The following ADARB2 variants were observed in gnomAD, a reference collection of about 807,000 sequenced individuals.
ADARB2 encodes adenosine deaminase RNA specific B2 (inactive), also known as inactive double-stranded RNA-specific editase B2.
ADARB2 carries 25 observed loss-of-function variants against 62.2 expected under a neutral mutation model. That is an observed-to-expected ratio of 0.40 (90% confidence interval 0.29 to 0.56). ADARB2 has a LOEUF of 0.56. Ranked by LOEUF, ADARB2 falls within the 20% of genes least tolerant of loss-of-function variation. The pLI is 0.43. For missense variants in ADARB2, 1,071 were observed against 1,077.4 expected (o/e 0.99, Z 0.08); for synonymous variants, 572 against 500.8 (o/e 1.14, Z -1.90).
At chr10:1,293,303 AAGAG>A (rs140685522) in intron 3 of ADARB2, among the ~76,000 whole-genome samples, 1 of 98,564 alleles carries the variant, frequency 1.0e-5, no homozygotes, top group Non-Finnish European at 2.0e-5. Context: ...GAGAAGGGGG[AAGAG>A]AGAGGGGAGG....
intron 1 of ADARB2, among the ~76,000 whole-genome samples, chr10:1,466,460 T>C (rs1006634227): frequency 6.6e-6 from 1 of 152,192 alleles, no homozygotes; most frequent in African/African-American, 2.4e-5. Flanking sequence ...GGCAGCTCTC[T>C]GAGCACACGG....
intron 1 of ADARB2, among the ~76,000 whole-genome samples, chr10:1,455,337 T>C (rs1402724256): frequency 1.3e-5 from 2 of 152,198 alleles, no homozygotes; most frequent in African/African-American, 4.8e-5. Flanking sequence ...TTAAAACAAT[T>C]ATGATGAGCA....
At chr10:1,496,969 C>A (rs897188575) in intron 1 of ADARB2, among the ~76,000 whole-genome samples, 1 of 152,118 alleles carries the variant, frequency 6.6e-6, no homozygotes, top group Non-Finnish European at 1.5e-5. Flanking sequence ...TTTATAGCAC[C>A]ATGACCCAGT....
Position 1,341,272 on chromosome 10 carries a change from C to T in ADARB2, c.1077+21756G>A, listed in dbSNP as rs948778254. ...CACCAGAGAACCACATGCCCCACAG[C>T]GGCAATAACCAGCATCCACCAGAGA... On this transcript the variant is annotated intron_variant, in intron 3 of 9. Transcript: ENST00000381312. Among the ~76,000 whole-genome samples, 16 of 147,834 alleles carry T rather than the reference C, an allele frequency of 1.1e-4. No homozygotes were observed. In the East Asian group the frequency reaches 2.3e-3, roughly 21 times the overall value.
At chr10:1,314,387 G>A (rs1831718699) in intron 3 of ADARB2, among the ~76,000 whole-genome samples, 1 of 152,116 alleles carries the variant, frequency 6.6e-6, no homozygotes, top group African/African-American at 2.4e-5. Context: ...TATAGCTGGG[G>A]GCCCTAAGTC....
intron 1 of ADARB2, among the ~76,000 whole-genome samples, chr10:1,536,633 T>TA (rs1472826447): frequency 7.9e-5 from 12 of 152,238 alleles, no homozygotes; most frequent in Non-Finnish European, 4.4e-5. Flanking sequence ...CTGAATGTTG[T>TA]AACTAGGACT....
intron 1 of ADARB2, among the ~76,000 whole-genome samples, chr10:1,423,868 ACCACTATGTATGCAGTAGGT>A (rs1720419751): frequency 1.3e-5 from 2 of 149,498 alleles, no homozygotes; most frequent in Non-Finnish European, 1.5e-5. Context: ...ATGCAGTAAG[ACCACTATGTATGCAGTAGGT>A]CCACTATGTA....
At chr10:1,718,693 G>C (rs575926062) in intron 1 of ADARB2, among the ~76,000 whole-genome samples, 3 of 152,282 alleles carry the variant, frequency 2.0e-5, no homozygotes, top group East Asian at 3.9e-4. Context: ...CTTTACCTAG[G>C]GGGGCAGCAC....
intron 1 of ADARB2, among the ~76,000 whole-genome samples, chr10:1,638,866 A>C (rs974808638): frequency 6.6e-6 from 1 of 152,212 alleles, no homozygotes; most frequent in Non-Finnish European, 1.5e-5. Flanking sequence ...TCGGGGGCTC[A>C]CATACTTCTC....
At chr10:1,187,863 T>C (rs770729983) in intron 8 of ADARB2, 10 of 434,374 alleles carry the variant, frequency 2.3e-5, no homozygotes, top group South Asian at 6.5e-5. Flanking sequence ...TGTGGTCCCA[T>C]GTGTCCATAT....
intron 1 of ADARB2, among the ~76,000 whole-genome samples, chr10:1,576,621 C>G (rs1310421094): frequency 6.6e-6 from 1 of 152,128 alleles, no homozygotes. Context: ...GGGTGAGGGG[C>G]ACTGTGCAAC....
intron 1 of ADARB2, among the ~76,000 whole-genome samples, chr10:1,630,570 G>T (rs1833829896): frequency 1.3e-5 from 2 of 152,214 alleles, no homozygotes; most frequent in South Asian, 2.1e-4. Flanking sequence ...GGCAGAGGGG[G>T]TGTGTGCTGG....
intron 1 of ADARB2, among the ~76,000 whole-genome samples, chr10:1,653,194 A>C (rs1326415504): frequency 6.6e-6 from 1 of 152,222 alleles, no homozygotes; most frequent in African/African-American, 2.4e-5. Context: ...CTGCTGCCAC[A>C]GCCTAGAGAC....
intron 1 of ADARB2, among the ~76,000 whole-genome samples, chr10:1,453,170 G>C (rs1831060038): frequency 1.3e-5 from 2 of 152,204 alleles, no homozygotes; most frequent in Non-Finnish European, 2.9e-5. Flanking sequence ...CAAGACGTTA[G>C]ACAAGGCAGC....
intron 8 of ADARB2, among the ~76,000 whole-genome samples, chr10:1,193,779 TTTTTTG>T (rs1274724581): frequency 6.6e-6 from 1 of 151,482 alleles, no homozygotes; most frequent in Non-Finnish European, 1.5e-5. Flanking sequence ...ATTTCATTGT[TTTTTTG>T]TCTTCTGAGA....
At chr10:1,712,665 TG>T (rs67502366) in intron 1 of ADARB2, among the ~76,000 whole-genome samples, 133,045 of 133,046 alleles carry the variant, frequency 1, 66,522 homozygotes, top group Non-Finnish European at 1. Context: ...AGGAGGGCAC[TG>T]GGCGGGATCT....
At chr10:1,301,941 CG>C (rs1427898966) in intron 3 of ADARB2, among the ~76,000 whole-genome samples, 1 of 152,148 alleles carries the variant, frequency 6.6e-6, no homozygotes, top group Non-Finnish European at 1.5e-5. Context: ...CTGGAGCCCA[CG>C]GTTCACAGGA....
At chr10:1,294,330 C>G (rs1413554154) in intron 3 of ADARB2, among the ~76,000 whole-genome samples, 1 of 152,020 alleles carries the variant, frequency 6.6e-6, no homozygotes, top group Admixed American at 6.6e-5. Flanking sequence ...GAACAGAGGC[C>G]CAGGAAGACT....
At chr10:1,333,067 C>T (rs1389651778) in intron 3 of ADARB2, among the ~76,000 whole-genome samples, 2 of 152,222 alleles carry the variant, frequency 1.3e-5, no homozygotes, top group Non-Finnish European at 2.9e-5. Flanking sequence ...AAGTGGCCAT[C>T]TCAGAACACA....
Sources: allele counts gnomAD v4.1 joint callset (sites outside exome capture counted in the v4.1 genomes callset), GRCh38; gene constraint gnomAD v4.1.1; transcripts MANE v1.5; gene names NCBI Gene and HGNC (gene_info 2026-07-23, HGNC 2026-07-21).